Variants in NECTIN3 observed in about 807,000 individuals in gnomAD.
NECTIN3 encodes nectin cell adhesion molecule 3.
Under a neutral mutation model 49.4 loss-of-function variants are expected in NECTIN3, and 8 were observed. The ratio of observed to expected loss-of-function variants is 0.16; its 90% confidence interval spans 0.10 to 0.29. The LOEUF is 0.29. Ranked by LOEUF, NECTIN3 falls within the 10% of genes least tolerant of loss-of-function variation. The pLI, the probability that NECTIN3 is intolerant of heterozygous loss-of-function variation, is 1.00. For synonymous variants in NECTIN3, 277 were observed against 241.1 expected, an observed-to-expected ratio of 1.15 and a Z score of -1.38; for missense variants, 581 against 654.6, an observed-to-expected ratio of 0.89 and a Z score of 1.23.
At chr3:111,163,537 A>T (rs750549857) in intron 7 of NECTIN3, among the ~76,000 whole-genome samples, 1 of 152,220 alleles carries the variant, frequency 6.6e-6, no homozygotes, top group Non-Finnish European at 1.5e-5. Context: ...ATAAAAAACT[A>T]AAATGCTGGG....
chr3:111,072,344 C>T, intron 1 of NECTIN3, 167 bp downstream of exon 1: 1 of 1,449,188 alleles, frequency 6.9e-7, no homozygotes, highest in Non-Finnish European at 9.0e-7. Flanking sequence ...GGGCGAGGCC[C>T]TGGAAGGGCC....
At chr3:111,094,354 G>A (rs2032463559) in intron 1 of NECTIN3, among the ~76,000 whole-genome samples, 1 of 152,156 alleles carries the variant, frequency 6.6e-6, no homozygotes, top group South Asian at 2.1e-4. Context: ...AATATAAGTG[G>A]ATAATGTTTA....
downstream of NECTIN3, among the ~76,000 whole-genome samples, chr3:111,139,419 A>G (rs2034684899): frequency 6.6e-6 from 1 of 151,696 alleles, no homozygotes; most frequent in Admixed American, 6.6e-5. Flanking sequence ...AAATTCTGCC[A>G]TTTGCATCCC....
chr3:111,133,973 G>C lies in NECTIN3; in HGVS notation c.1408G>C (p.Val470Leu), dbSNP rs2034486467. 6.2e-7 allele frequency: 1 copy of C among 1,612,858 alleles called. No individual in the cohort carries two copies. The highest frequency in any genetic ancestry group is 1.3e-5 in the African/African-American group (1 of 74,724). Reference protein sequence around the residue: ...QDELDSYPDSVKKENKNPVNN... With the variant: ...QDELDSYPDSLKKENKNPVNN... ...TGAGCTTGATTCTTACCCAGACAGTGTAAAAAAAGAAAACAAAAATCCAGT... is the reference window on the plus strand; with the variant it reads ...TGAGCTTGATTCTTACCCAGACAGTCTAAAAAAAGAAAACAAAAATCCAGT... The change falls in exon 6 of 6, where the codon GTA becomes CTA. Residue 470 changes from valine (V) to leucine (L), a missense_variant. Coordinates refer to ENST00000485303, the MANE Select transcript of NECTIN3 (RefSeq NM_015480.3).
chr3:111,153,245 A>G (rs115002089), intron 7 of NECTIN3, among the ~76,000 whole-genome samples: 4,049 of 152,040 alleles, frequency 0.027, 125 homozygotes, highest in African/African-American at 0.078. Flanking sequence ...GTGGGGCTTT[A>G]TTCTGCTCTG....
chr3:111,146,220 G>A (rs2034870715), intron 6 of NECTIN3, among the ~76,000 whole-genome samples: 1 of 152,008 alleles, frequency 6.6e-6, no homozygotes, highest in African/African-American at 2.4e-5. Flanking sequence ...GGATCACGAG[G>A]TCAGGAGATC....
chr3:111,092,220 TG>T (rs1174638648), intron 1 of NECTIN3, among the ~76,000 whole-genome samples: 3 of 152,234 alleles, frequency 2.0e-5, no homozygotes, highest in Non-Finnish European at 1.5e-5. Context: ...GTATGTGTTC[TG>T]CAAATGATTT....
chr3:111,183,993 T>G (rs1420333792), intron 7 of NECTIN3, among the ~76,000 whole-genome samples: 5 of 152,186 alleles, frequency 3.3e-5, no homozygotes, highest in African/African-American at 1.2e-4. Context: ...AGTAGATTTT[T>G]TGATATTATC....
chr3:111,175,382 C>CCAGT (rs1381626291), intron 7 of NECTIN3, among the ~76,000 whole-genome samples: 1 of 151,384 alleles, frequency 6.6e-6, no homozygotes, highest in Admixed American at 6.6e-5. Context: ...CCTCTTCTAC[C>CCAGT]CAGTGTCTTC....
chr3:111,133,541 T>C, intron 5 of NECTIN3, 94 bp from the exon 6 acceptor site: 5 of 1,452,220 alleles, frequency 3.4e-6, no homozygotes, highest in Non-Finnish European at 4.6e-6. Context: ...TATATATTCA[T>C]TAACTGTGCT....
intron 3 of NECTIN3, among the ~76,000 whole-genome samples, chr3:111,121,078 C>G (rs1238649744): frequency 1.3e-5 from 2 of 148,842 alleles, no homozygotes; most frequent in Admixed American, 1.3e-4. Flanking sequence ...ACTAGGCTCA[C>G]TGCAAGCTCC....
At chr3:111,172,553 T>C (rs77042984) in intron 7 of NECTIN3, among the ~76,000 whole-genome samples, 6 of 152,150 alleles carry the variant, frequency 3.9e-5, no homozygotes, top group South Asian at 2.1e-4. Context: ...AAATGTAAGA[T>C]GGTATTGTGT....
rs1411209409 is a variant in NECTIN3, at chr3:111,134,495, A to G, written c.*280A>G. The stretch of plus-strand genomic sequence containing the variant: ...AGGCACACAGGTAAGAAGAAATGTC[A>G]ACATTAAATGTATGACTTACTTGGT... On this transcript the variant is annotated 3_prime_UTR_variant, in exon 6 of 6. Coordinates refer to ENST00000485303, the MANE Select transcript of NECTIN3 (RefSeq NM_015480.3). The G allele has an allele frequency of 1.9e-6, 2 of 1,059,484 alleles. No individual in the cohort carries two copies. The highest frequency in any genetic ancestry group is 3.4e-5 in the African/African-American group (2 of 59,628). 65.6% of individuals were successfully genotyped at this position (1,059,484 alleles called of 1,614,324 possible).
At chr3:111,086,259 T>G (rs916738849) in intron 1 of NECTIN3, among the ~76,000 whole-genome samples, 27 of 152,188 alleles carry the variant, frequency 1.8e-4, no homozygotes, top group African/African-American at 5.8e-4. Flanking sequence ...GTGAATGGTT[T>G]CTGTTGATAA....
chr3:111,113,726 G>A (rs963629941), intron 2 of NECTIN3, among the ~76,000 whole-genome samples: 1 of 152,168 alleles, frequency 6.6e-6, no homozygotes, highest in African/African-American at 2.4e-5. Flanking sequence ...GCTCACTCCT[G>A]TAATCCCAGC....
intron 7 of NECTIN3, among the ~76,000 whole-genome samples, chr3:111,179,561 G>A (rs1050047295): frequency 2.0e-4 from 31 of 152,070 alleles, no homozygotes; most frequent in African/African-American, 7.5e-4. Context: ...TGGGACAGAG[G>A]AACTATAAGC....
At chr3:111,094,962 T>C (rs1488648705) in intron 1 of NECTIN3, among the ~76,000 whole-genome samples, 1 of 152,244 alleles carries the variant, frequency 6.6e-6, no homozygotes, top group Non-Finnish European at 1.5e-5. Flanking sequence ...AGTCTTTTTT[T>C]TCAAGGATAG....
rs919752219 is a variant in NECTIN3, at chr3:111,112,564, A to G, written c.502+193A>G. Among the ~76,000 whole-genome samples, 8 of 152,134 alleles carry G rather than the reference A, an allele frequency of 5.3e-5. No homozygotes were observed. In the South Asian group the frequency reaches 1.4e-3, roughly 28 times the overall value. ...TGTAAATAAAATCTTGTCTATATAT[A>G]CCTACTTATCTATGTAATGCTACAT... On this transcript the variant is annotated intron_variant, in intron 2 of 5. Transcript: ENST00000485303.
downstream of NECTIN3, among the ~76,000 whole-genome samples, chr3:111,138,331 T>TA (rs1019909481): frequency 4.0e-5 from 6 of 151,554 alleles, no homozygotes; most frequent in East Asian, 1.9e-4. Context: ...GGTATCCCAA[T>TA]AAAAAAAATT....
Sources: gnomAD v4.1 joint callset for allele counts (sites outside exome capture counted in the v4.1 genomes callset) on GRCh38, gnomAD v4.1.1 for gene constraint, MANE v1.5 for transcripts, NCBI Gene and HGNC (gene_info 2026-07-23, HGNC 2026-07-21) for gene names.